NWD1: variants seen among roughly 807,000 people sequenced by gnomAD.
The protein encoded by NWD1 is NACHT domain- and WD repeat-containing protein 1.
A neutral mutation model predicts 135.1 loss-of-function variants in NWD1; 129 were observed. The ratio of observed to expected loss-of-function variants is 0.96; its 90% CI spans 0.83 to 1.11. The LOEUF (loss-of-function observed/expected upper bound fraction) is 1.11. NWD1 is among the 50% of genes least tolerant of loss of function. The pLI is 0.00. For missense variants in NWD1, 1,740 were observed against 1,851.3 expected, an observed-to-expected ratio of 0.94 and a Z score of 1.10; for synonymous variants, 773 against 786.0, an observed-to-expected ratio of 0.98 and a Z score of 0.28.
chr19:16,748,403 G>T (rs1399880159), intron 5 of NWD1, among the ~76,000 whole-genome samples: 1 of 152,122 alleles, frequency 6.6e-6, no homozygotes, highest in Non-Finnish European at 1.5e-5. Context: ...CAGATACCTG[G>T]GAGTGGAATT....
rs755935157 is a variant in NWD1 at position 16,794,478 on chromosome 19, GA to G, written c.3230del (p.Asp1077AlafsTer11). On this transcript the variant is annotated frameshift_variant, in exon 15 of 19. Transcript: ENST00000524140. LOFTEE classifies it high-confidence loss of function. ...GSISLVSSKG[D>X]RLLEKLPDAV... ...TTCTGCACAGGTTTCCTCCAAAGGG[GA>G]CAGATTGCTGGAGAAGCTTCCAGAT... 3 of 1,611,066 alleles carry G rather than the reference GA, an allele frequency of 1.9e-6. No homozygotes were observed. The highest frequency in any genetic ancestry group is 3.3e-5 in the Admixed American group (2 of 59,848).
intron 6 of NWD1, 140 bp from the exon 7 acceptor site, chr19:16,759,084 TG>T (rs919645156): frequency 5.4e-5 from 37 of 680,002 alleles, no homozygotes; most frequent in Non-Finnish European, 9.3e-5. Context: ...TGGTACCTTG[TG>T]GGCGCTGTCC....
At chr19:16,736,881 G>A in intron 4 of NWD1, 131 bp downstream of exon 4, 1 of 649,806 alleles carries the variant, frequency 1.5e-6, no homozygotes, top group South Asian at 1.7e-5. Context: ...TGGCCTGCCT[G>A]TGGCAGACAT....
At chr19:16,738,187 C>T in intron 4 of NWD1, 1 of 452,858 alleles carries the variant, frequency 2.2e-6, no homozygotes, top group South Asian at 1.6e-5. Context: ...ACCATCTGGC[C>T]TGTAAAGCCA....
At chr19:16,799,448 C>G (rs1234892717) in intron 16 of NWD1, among the ~76,000 whole-genome samples, 5 of 152,076 alleles carry the variant, frequency 3.3e-5, no homozygotes, top group Admixed American at 6.6e-5. Flanking sequence ...CCCGCCTCAG[C>G]CTTCCAAAGT....
At chr19:16,741,368 G>GTTTT (rs11292982) in intron 4 of NWD1, among the ~76,000 whole-genome samples, 1 of 125,018 alleles carries the variant, frequency 8.0e-6, no homozygotes, top group African/African-American at 3.0e-5. Context: ...TTGTTTTTGT[G>GTTTT]TTTTTTTTTT....
intron 14 of NWD1, among the ~76,000 whole-genome samples, chr19:16,793,886 G>A: frequency 6.6e-6 from 1 of 151,716 alleles, no homozygotes; most frequent in East Asian, 1.9e-4. Context: ...CAACTTTTAT[G>A]TTTTTAATTT....
chr19:16,778,275 C>G (rs531973839), intron 11 of NWD1, among the ~76,000 whole-genome samples: 1 of 152,126 alleles, frequency 6.6e-6, no homozygotes, highest in Non-Finnish European at 1.5e-5. Context: ...ATATCTTGGC[C>G]CTTCTCTCTC....
intron 18 of NWD1, 145 bp from the exon 19 acceptor site, chr19:16,814,883 G>C (rs1296499466): frequency 4.6e-6 from 3 of 655,974 alleles, no homozygotes; most frequent in Non-Finnish European, 7.9e-6. Context: ...AAAGGAAGAG[G>C]GACTCTTTGG....
chr19:16,808,784 A>C (rs1386136513), intron 18 of NWD1, among the ~76,000 whole-genome samples: 1 of 151,784 alleles, frequency 6.6e-6, no homozygotes, highest in Non-Finnish European at 1.5e-5. Context: ...CAAAGTTCAA[A>C]GGAGTACCAA....
chr19:16,724,097 G>A (rs1036336630), intron 1 of NWD1, among the ~76,000 whole-genome samples: 1 of 152,296 alleles, frequency 6.6e-6, no homozygotes, highest in East Asian at 1.9e-4. Context: ...GGTGGACAAG[G>A]CAGGGAAGGG....
At chr19:16,721,918 C>A (rs1392441458) in intron 1 of NWD1, among the ~76,000 whole-genome samples, 4 of 151,838 alleles carry the variant, frequency 2.6e-5, no homozygotes, top group Admixed American at 6.6e-5. Context: ...CAAGAACAGC[C>A]TGAGCAACAC....
chr19:16,763,320 C>T (rs12976772), intron 8 of NWD1, among the ~76,000 whole-genome samples: 36,273 of 151,992 alleles, frequency 0.24, 4,890 homozygotes, highest in Middle Eastern at 0.46. Flanking sequence ...CCATAGCTCC[C>T]CAGTGCCCTC....
intron 17 of NWD1, among the ~76,000 whole-genome samples, chr19:16,801,065 G>T (rs953557339): frequency 6.6e-6 from 1 of 151,918 alleles, no homozygotes; most frequent in Non-Finnish European, 1.5e-5. Context: ...ATCACTTGAG[G>T]TCGGGAGTTC....
intron 18 of NWD1, among the ~76,000 whole-genome samples, chr19:16,808,645 G>T (rs150543423): frequency 2.0e-5 from 3 of 151,860 alleles, no homozygotes. Flanking sequence ...GGACCCCACT[G>T]TCACGAGGCT....
At position 16,749,644 on chromosome 19, in the gene NWD1, C is replaced by T. The variant is rs1599462104; in HGVS notation, c.1002C>T (p.His334=). ...TCAGGCACGATGACAGCAAGCAGCA[C>T]ACCCCCCTGGTACTCTTTGGGCCCC... is the stretch of plus-strand genomic sequence containing the variant. The part of the protein sequence containing the change: ...QQLRHDDSKQ[H]TPLVLFGPPG... Residue 334 remains histidine, a synonymous_variant, in exon 6 of 19, where the codon CAC becomes CAT. Coordinates refer to ENST00000524140, the MANE Select transcript of NWD1 (RefSeq NM_001007525.5). 6.2e-7 allele frequency: 1 copy of T among 1,608,254 alleles called. No homozygotes were observed. Among genetic ancestry groups the T allele is most frequent in the East Asian group, 2.2e-5 (1 of 44,736 alleles).
chr19:16,734,952 T>C (rs1051487773), intron 3 of NWD1, among the ~76,000 whole-genome samples: 14 of 152,150 alleles, frequency 9.2e-5, no homozygotes, highest in African/African-American at 3.1e-4. Context: ...TTTTTAGAGA[T>C]GAGGTCTTGC....
chr19:16,791,629 A>G lies in NWD1; in HGVS notation c.3213+7A>G. 6.2e-7 allele frequency: 1 copy of G among 1,613,448 alleles called. No individual in the cohort carries two copies. Among genetic ancestry groups the G allele is most frequent in the Non-Finnish European group, 8.5e-7 (1 of 1,179,518 alleles). On this transcript the variant is annotated splice_region_variant and intron_variant, in intron 14 of 18. Coordinates refer to ENST00000524140, the MANE Select transcript of NWD1 (RefSeq NM_001007525.5). The stretch of plus-strand genomic sequence containing the variant: ...CAATGGCTCCATCTCTTTGGTAAGC[A>G]CCTTTACTGACTATGATGTGAACAT...
intron 1 of NWD1, among the ~76,000 whole-genome samples, chr19:16,720,930 A>C (rs1005701247): frequency 1.3e-5 from 2 of 151,978 alleles, no homozygotes; most frequent in African/African-American, 4.8e-5. Context: ...GGCTCACTGC[A>C]ACCTCTGCTT....
Sources: gnomAD v4.1 joint callset for allele counts (sites outside exome capture counted in the v4.1 genomes callset) on GRCh38, gnomAD v4.1.1 for gene constraint, MANE v1.5 for transcripts, NCBI Gene and HGNC (gene_info 2026-07-23, HGNC 2026-07-21) for gene names.